Variants in FSD1L observed in about 807,000 individuals in gnomAD.
FSD1L encodes FSD1-like protein.
In FSD1L, 45 loss-of-function variants were observed where a neutral mutation model predicts 71.6. The observed-to-expected ratio is 0.63, with a 90% CI of 0.49 to 0.81. The LOEUF (loss-of-function observed/expected upper bound fraction) is 0.81, where lower values mean the gene tolerates loss of function less well. FSD1L is among the 30% of genes least tolerant of loss of function. The probability of loss-of-function intolerance (pLI) is 0.00; values close to 1 mark genes in which losing one functional copy is unlikely to be tolerated. For synonymous variants in FSD1L, 197 were observed against 207.2 expected, an observed-to-expected ratio of 0.95 and a Z score of 0.42; for missense variants, 561 against 618.1, an observed-to-expected ratio of 0.91 and a Z score of 0.98.
chr9:105,463,109 A>G (rs890691151), intron 2 of FSD1L, among the ~76,000 whole-genome samples: 5 of 150,650 alleles, frequency 3.3e-5, no homozygotes, highest in African/African-American at 7.3e-5. Context: ...TTGCACTCCA[A>G]CCTGGGAGAC....
upstream of FSD1L, among the ~76,000 whole-genome samples, chr9:105,443,148 A>G (rs1372721289): frequency 3.3e-5 from 5 of 152,234 alleles, no homozygotes; most frequent in African/African-American, 1.2e-4. Flanking sequence ...ATCAGGGCAG[A>G]ACCATTCTTT....
chr9:105,545,600 C>T (rs535237819), intron 13 of FSD1L, among the ~76,000 whole-genome samples: 1 of 151,690 alleles, frequency 6.6e-6, no homozygotes, highest in African/African-American at 2.4e-5. Flanking sequence ...TATGTACCGT[C>T]AATACCTAAT....
At chr9:105,454,718 T>G (rs905596454) in intron 1 of FSD1L, among the ~76,000 whole-genome samples, 1 of 152,166 alleles carries the variant, frequency 6.6e-6, no homozygotes, top group African/African-American at 2.4e-5. Context: ...TGCTTTATTT[T>G]CCTCAAATCC....
intron 7 of FSD1L, among the ~76,000 whole-genome samples, chr9:105,496,546 G>T (rs1833419027): frequency 6.6e-6 from 1 of 152,126 alleles, no homozygotes; most frequent in Non-Finnish European, 1.5e-5. Flanking sequence ...TCTCTACATT[G>T]ATTTAGTTCT....
upstream of FSD1L, among the ~76,000 whole-genome samples, chr9:105,443,604 T>C (rs1417366506): frequency 6.6e-6 from 1 of 151,960 alleles, no homozygotes; most frequent in Non-Finnish European, 1.5e-5. Flanking sequence ...GTTGCAGGGA[T>C]TTTGGGTGAC....
intron 7 of FSD1L, among the ~76,000 whole-genome samples, chr9:105,503,858 C>A (rs1833905146): frequency 6.6e-6 from 1 of 152,178 alleles, no homozygotes; most frequent in South Asian, 2.1e-4. Context: ...CTTTGTCCCT[C>A]CCACGTGTCA....
chr9:105,546,796 A>C lies in FSD1L; in HGVS notation c.*313A>C, dbSNP rs1026801528. ...TTTGACTATTCTAATGTTTAATTAC[A>C]TATGGTAACCCTAAGGCCTGGGGAG... On this transcript the variant is annotated 3_prime_UTR_variant, in exon 14 of 14. Transcript: ENST00000481272. The C allele has an allele frequency of 5.9e-6, 1 of 169,070 alleles. No homozygotes were observed. The highest frequency in any genetic ancestry group is 6.2e-5 in the Admixed American group (1 of 16,064). 10.5% of individuals were successfully genotyped at this position (169,070 alleles called of 1,614,324 possible). A position where few individuals can be genotyped will look rare whatever the true frequency, so the allele number is the denominator to read the frequency against.
chr9:105,541,851 CT>C (rs1836639317), intron 13 of FSD1L, among the ~76,000 whole-genome samples: 1 of 152,170 alleles, frequency 6.6e-6, no homozygotes, highest in Admixed American at 6.5e-5. Flanking sequence ...ATAGTTGTAC[CT>C]TTTCCAGAAC....
intron 6 of FSD1L, among the ~76,000 whole-genome samples, chr9:105,483,023 A>AATAACATATGTAGGACTTAG (rs1832313119): frequency 1.3e-5 from 2 of 152,218 alleles, no homozygotes; most frequent in Admixed American, 1.3e-4. Context: ...GGCTGTAAAG[A>AATAACATATGTAGGACTTAG]ATAACATATG....
At chr9:105,495,347 G>A (rs1298934925) in intron 7 of FSD1L, among the ~76,000 whole-genome samples, 5 of 152,280 alleles carry the variant, frequency 3.3e-5, no homozygotes, top group South Asian at 2.1e-4. Context: ...TTTAAAGCCC[G>A]TCGGAAAAGT....
chr9:105,523,990 A>G (rs902335996), intron 10 of FSD1L: 266 of 1,597,554 alleles, frequency 1.7e-4, no homozygotes, highest in Non-Finnish European at 2.2e-4. Context: ...TGCTTTCCCA[A>G]CTTATATTGT....
At position 105,539,227 on chromosome 9, in the gene FSD1L, G is replaced by A. The variant is rs190421007; in HGVS notation, c.1379-36G>A. On this transcript the variant is annotated intron_variant, in intron 12 of 13. Transcript: ENST00000481272. Reference sequence around the variant, plus strand: ...AATTAATTAAATGTTACAATTTTTTGTATAATAAATTAGGCTTTTTTTCCT... The same window carrying A: ...AATTAATTAAATGTTACAATTTTTTATATAATAAATTAGGCTTTTTTTCCT... 21 of 943,380 alleles carry A rather than the reference G, an allele frequency of 2.2e-5. 1 individual carries two copies. In the Admixed American group the frequency reaches 3.9e-4, roughly 18 times the overall value. The allele number at this position is 943,380 out of a possible 1,614,324, so 58.4% of individuals were successfully genotyped here.
upstream of FSD1L, among the ~76,000 whole-genome samples, chr9:105,447,114 A>G (rs1031087103): frequency 6.6e-6 from 1 of 152,044 alleles, no homozygotes; most frequent in Non-Finnish European, 1.5e-5. Flanking sequence ...GCCTGAGCTT[A>G]GGAGTTCGAG....
chr9:105,490,293 T>G (rs1832837828), intron 7 of FSD1L, among the ~76,000 whole-genome samples: 1 of 152,212 alleles, frequency 6.6e-6, no homozygotes, highest in Non-Finnish European at 1.5e-5. Context: ...GTTGGCTGCA[T>G]AAATGTCTTC....
At chr9:105,472,167 C>A in intron 5 of FSD1L, 162 bp downstream of exon 5, 1 of 841,186 alleles carries the variant, frequency 1.2e-6, no homozygotes, top group Non-Finnish European at 1.7e-6. Context: ...TATTCCAAAG[C>A]AAACACTTAG....
rs562021435 is a variant in FSD1L, at chr9:105,490,237, A to G, written c.586+5735A>G. 1.8e-4 allele frequency among the ~76,000 whole-genome samples: 28 copies of G among 152,120 alleles called. No individual in the cohort carries two copies. In the East Asian group the frequency reaches 4.1e-3, roughly 22 times the overall value. On this transcript the variant is annotated intron_variant, in intron 7 of 13. Coordinates refer to ENST00000481272, the MANE Select transcript of FSD1L (RefSeq NM_001145313.3). ...TGGTATCTCATTGTGGTTTTGATTT[A>G]CATTTCTCTGATGGCCAGTGATGGT... is the stretch of plus-strand genomic sequence containing the variant.
chr9:105,468,961 C>T (rs1256497197), intron 4 of FSD1L, among the ~76,000 whole-genome samples: 1 of 152,178 alleles, frequency 6.6e-6, no homozygotes, highest in Non-Finnish European at 1.5e-5. Context: ...TGGCAATCAT[C>T]ATGTTATTTT....
Position 105,517,600 on chromosome 9 carries a change from C to G in FSD1L, c.1025+4664C>G, listed in dbSNP as rs1201509530. 2.6e-5 allele frequency among the ~76,000 whole-genome samples: 4 copies of G among 152,300 alleles called. No homozygotes were observed. In the South Asian group the frequency reaches 8.3e-4, roughly 32 times the overall value. ...AAGGAAAAATAAAATCCTTTACAGA[C>G]AAGCAAATGCTGAGAGATTTTGTCA... On this transcript the variant is annotated intron_variant, in intron 10 of 13. Transcript: ENST00000481272.
At chr9:105,494,663 G>A (rs566421647) in intron 7 of FSD1L, among the ~76,000 whole-genome samples, 1 of 152,250 alleles carries the variant, frequency 6.6e-6, no homozygotes, top group Non-Finnish European at 1.5e-5. Context: ...TGATGGTGAT[G>A]TACAGATGGG....
Sources: allele counts gnomAD v4.1 joint callset (sites outside exome capture counted in the v4.1 genomes callset), GRCh38; gene constraint gnomAD v4.1.1; transcripts MANE v1.5; gene names NCBI Gene and HGNC (gene_info 2026-07-23, HGNC 2026-07-21).